Variants in BRD7 observed in about 807,000 individuals in gnomAD.
BRD7 encodes the protein bromodomain-containing protein 7.
BRD7 carries 15 observed loss-of-function variants against 82.1 expected under a neutral mutation model. The ratio of observed to expected loss-of-function variants is 0.18; its 90% CI spans 0.12 to 0.28. The LOEUF is 0.28. Among genes scored for constraint, BRD7 ranks in the 10% least tolerant of loss-of-function variants. BRD7 has a pLI of 1.00. For missense variants in BRD7, 638 were observed against 779.9 expected, an observed-to-expected ratio of 0.82 and a Z score of 2.17; for synonymous variants, 232 against 266.9, an observed-to-expected ratio of 0.87 and a Z score of 1.27.
At chr16:50,349,906 A>T in intron 5 of BRD7, 117 bp downstream of exon 5, 3 of 1,017,808 alleles carry the variant, frequency 2.9e-6, no homozygotes, top group Non-Finnish European at 2.8e-6. Context: ...AAACAAAGAT[A>T]CTGGATCTTA....
intron 9 of BRD7, 67 bp downstream of exon 9, chr16:50,328,602 G>A: frequency 1.4e-6 from 2 of 1,387,672 alleles, no homozygotes; most frequent in South Asian, 1.2e-5. Flanking sequence ...GCTTTAAAAT[G>A]TTAACCCAGG....
chr16:50,351,504 G>A (rs1246129946), intron 4 of BRD7, among the ~76,000 whole-genome samples: 4 of 152,184 alleles, frequency 2.6e-5, no homozygotes, highest in Admixed American at 6.5e-5. Context: ...CTAACTCCTA[G>A]GTCAGTCATT....
intron 5 of BRD7, chr16:50,349,105 G>A (rs1384988202): frequency 6.2e-6 from 1 of 160,576 alleles, no homozygotes; most frequent in Admixed American, 6.0e-5. Context: ...GTCCTTTGTA[G>A]GGACATGGAT....
chr16:50,316,927 CAA>C lies in BRD7; in HGVS notation c.*2282_*2283del, dbSNP rs1201598759. The C allele has an allele frequency of 1.3e-5, 2 of 152,636 alleles. No individual in the cohort carries two copies. Among genetic ancestry groups the C allele is most frequent in the Non-Finnish European group, 2.9e-5 (2 of 68,038 alleles). 9.5% of individuals were successfully genotyped at this position (152,636 alleles called of 1,614,324 possible). A position where few individuals can be genotyped will look rare whatever the true frequency, so the allele number is the denominator to read the frequency against. ...CCCATGAACCCCGTAAAGTTCTACA[CAA>C]AGTCTTGCATACAGGAGCCTTTACA... On this transcript the variant is annotated 3_prime_UTR_variant, in exon 17 of 17. Transcript: ENST00000394688.
chr16:50,340,129 C>T (rs1217441940), intron 5 of BRD7, 43 bp from the exon 6 acceptor site: 2 of 1,133,456 alleles, frequency 1.8e-6, no homozygotes, highest in African/African-American at 3.2e-5. Context: ...TAATGCAAAA[C>T]AAACTACCCT....
At chr16:50,330,224 C>A (rs2037502541) in intron 8 of BRD7, among the ~76,000 whole-genome samples, 1 of 152,134 alleles carries the variant, frequency 6.6e-6, no homozygotes, top group African/African-American at 2.4e-5. Context: ...AACCTGCCTT[C>A]CAGTAAGTAT....
intron 2 of BRD7, among the ~76,000 whole-genome samples, chr16:50,361,534 C>T (rs1353777351): frequency 6.6e-6 from 1 of 152,208 alleles, no homozygotes; most frequent in Non-Finnish European, 1.5e-5. Context: ...ATTGAGACCA[C>T]TCGTCTGAGC....
intron 12 of BRD7, 142 bp downstream of exon 12, chr16:50,323,445 G>A (rs1317540664): frequency 1.5e-6 from 1 of 648,016 alleles, no homozygotes; most frequent in African/African-American, 1.8e-5. Context: ...GTCCACCCGT[G>A]GCCTCCAGCC....
chr16:50,332,047 C>T (rs113394206), intron 8 of BRD7, among the ~76,000 whole-genome samples: 35 of 152,224 alleles, frequency 2.3e-4, no homozygotes, highest in African/African-American at 5.1e-4. Flanking sequence ...TAGAATAAAA[C>T]CTTGGAAATA....
intron 2 of BRD7, among the ~76,000 whole-genome samples, chr16:50,366,158 A>G (rs1204915199): frequency 6.6e-6 from 1 of 152,244 alleles, no homozygotes; most frequent in Admixed American, 6.5e-5. Context: ...ATCAACCTGT[A>G]TGAGGGCAGA....
chr16:50,356,730 A>G (rs62029972), intron 2 of BRD7, among the ~76,000 whole-genome samples: 10,288 of 151,328 alleles, frequency 0.068, 426 homozygotes, highest in Middle Eastern at 0.16. Flanking sequence ...AAAAATATAT[A>G]TATATATATA....
At chr16:50,365,595 T>C (rs1225596078) in intron 2 of BRD7, among the ~76,000 whole-genome samples, 3 of 152,098 alleles carry the variant, frequency 2.0e-5, no homozygotes, top group Non-Finnish European at 4.4e-5. Context: ...CTTCGATTAA[T>C]ATCCTCAGAG....
intron 3 of BRD7, 111 bp from the exon 4 acceptor site, chr16:50,354,593 AT>A: frequency 8.4e-7 from 1 of 1,196,104 alleles, no homozygotes; most frequent in Non-Finnish European, 1.2e-6. Context: ...CAGAAATTCC[AT>A]TTATCTTAAA....
In BRD7 at chr16:50,323,663, G is replaced by A. The variant is rs769621117; in HGVS notation, c.1367C>T (p.Pro456Leu). 2.0e-5 allele frequency: 33 copies of A among 1,613,626 alleles called. No homozygotes were observed. The highest frequency in any genetic ancestry group is 7.7e-5 in the South Asian group (7 of 91,066). ...CAGTAAACTATCTGCCATGACATAC[G>A]GATAATCTTGGCACGTGGCCAAAAA... ...HEFLATCQDYPYVMADSLLDV... is the reference protein window; with the variant it reads ...HEFLATCQDYLYVMADSLLDV... The change falls in exon 12 of 17, where the codon CCG (proline) becomes CTG (leucine). Residue 456 changes from proline (P) to leucine (L), a missense_variant. Pro to Leu is a moderately conservative substitution (Grantham distance 98). Coordinates refer to ENST00000394688, the MANE Select transcript of BRD7 (RefSeq NM_013263.5).
At chr16:50,364,806 C>G (rs2039075854) in intron 2 of BRD7, among the ~76,000 whole-genome samples, 1 of 152,096 alleles carries the variant, frequency 6.6e-6, no homozygotes, top group African/African-American at 2.4e-5. Context: ...TAACTAAATA[C>G]TATGTAATCG....
rs4785407 is a variant in BRD7 at position 50,317,533 on chromosome 16, T to C, written c.*1678A>G. ...TCTTCAGTAACAACAGAAACCCCAG[T>C]TGGGAGTTTAACAAATAACTGACTA... On this transcript the variant is annotated 3_prime_UTR_variant, in exon 17 of 17. Transcript: ENST00000394688. 24,079 of 152,328 alleles carry C rather than the reference T, an allele frequency of 0.16. 2,243 individuals carry two copies. Among genetic ancestry groups the C allele is most frequent in the Non-Finnish European group, 0.21 (14,323 of 67,994 alleles). 9.4% of individuals were successfully genotyped at this position (152,328 alleles called of 1,614,324 possible).
At chr16:50,332,922 A>C (rs1238476498) in intron 8 of BRD7, among the ~76,000 whole-genome samples, 7 of 152,180 alleles carry the variant, frequency 4.6e-5, no homozygotes, top group African/African-American at 1.7e-4. Context: ...TAAAAGTAGG[A>C]GCTAAATACT....
At chr16:50,363,669 G>A (rs1430305075) in intron 2 of BRD7, among the ~76,000 whole-genome samples, 1 of 61,230 alleles carries the variant, frequency 1.6e-5, no homozygotes, top group Non-Finnish European at 5.7e-5. Context: ...GTGCGCGCGC[G>A]CGCGTGCGCG....
chr16:50,327,670 G>A (rs2037395158), intron 9 of BRD7, among the ~76,000 whole-genome samples: 1 of 152,044 alleles, frequency 6.6e-6, no homozygotes, highest in South Asian at 2.1e-4. Flanking sequence ...ATCTCCTTAA[G>A]GATGCCTTCC....
Sources: allele counts gnomAD v4.1 joint callset (sites outside exome capture counted in the v4.1 genomes callset), GRCh38; gene constraint gnomAD v4.1.1; transcripts MANE v1.5; gene names NCBI Gene and HGNC (gene_info 2026-07-23, HGNC 2026-07-21).